Variants in TMEM132B observed in about 807,000 individuals in gnomAD.
The protein encoded by TMEM132B is transmembrane protein 132B.
TMEM132B carries 18 observed loss-of-function variants against 90.8 expected under a neutral mutation model. The ratio of observed to expected loss-of-function variants is 0.20; its 90% confidence interval spans 0.14 to 0.29. The LOEUF (loss-of-function observed/expected upper bound fraction) is 0.29, where lower values mean the gene tolerates loss of function less well. TMEM132B is among the 10% of genes least tolerant of loss of function. The pLI, the probability that TMEM132B is intolerant of heterozygous loss-of-function variation, is 1.00. For synonymous variants in TMEM132B, 504 were observed against 523.3 expected, an observed-to-expected ratio of 0.96 and a Z score of 0.50; for missense variants, 1,096 against 1,326.8, an observed-to-expected ratio of 0.83 and a Z score of 2.70.
intron 2 of TMEM132B, among the ~76,000 whole-genome samples, chr12:125,409,133 GCTGCCTTTA>G (rs1454460785): frequency 1.3e-5 from 2 of 152,168 alleles, no homozygotes; most frequent in Non-Finnish European, 2.9e-5. Flanking sequence ...GTAGAAGCCT[GCTGCCTTTA>G]CTGCAGTTTT....
At chr12:125,391,874 C>T (rs1379283556) in intron 2 of TMEM132B, among the ~76,000 whole-genome samples, 2 of 152,110 alleles carry the variant, frequency 1.3e-5, no homozygotes, top group Non-Finnish European at 2.9e-5. Context: ...TCGTCTGGTC[C>T]TGCTGCCTTA....
At chr12:125,247,845 G>A (rs1874239943) in intron 1 of TMEM132B, among the ~76,000 whole-genome samples, 2 of 152,210 alleles carry the variant, frequency 1.3e-5, no homozygotes, top group African/African-American at 4.8e-5. Context: ...ATGGCACGAA[G>A]TAGGGACTAC....
chr12:125,267,393 T>C (rs1874720965), intron 1 of TMEM132B, among the ~76,000 whole-genome samples: 1 of 152,066 alleles, frequency 6.6e-6, no homozygotes, highest in Non-Finnish European at 1.5e-5. Flanking sequence ...TGTCCCAAAG[T>C]CTGGAAATGA....
chr12:125,583,640 A>G (rs1382368282), intron 4 of TMEM132B, among the ~76,000 whole-genome samples: 1 of 152,166 alleles, frequency 6.6e-6, no homozygotes, highest in African/African-American at 2.4e-5. Context: ...AGACATTCCA[A>G]CCAACCATCA....
intron 1 of TMEM132B, among the ~76,000 whole-genome samples, chr12:125,257,184 T>C (rs1487916281): frequency 1.3e-5 from 2 of 152,080 alleles, no homozygotes; most frequent in African/African-American, 4.8e-5. Context: ...TGTTCGCCTA[T>C]AGTCCCAGCT....
chr12:125,592,141 G>A (rs1593010302), intron 5 of TMEM132B, among the ~76,000 whole-genome samples: 2 of 152,094 alleles, frequency 1.3e-5, no homozygotes, highest in East Asian at 1.9e-4. Flanking sequence ...GAAAGAAAAG[G>A]CAATGTTCAT....
intron 1 of TMEM132B, among the ~76,000 whole-genome samples, chr12:125,268,301 C>T (rs1874743350): frequency 1.3e-5 from 2 of 152,162 alleles, no homozygotes; most frequent in African/African-American, 4.8e-5. Flanking sequence ...TTGACTCATC[C>T]AGTTTACTTC....
intron 1 of TMEM132B, among the ~76,000 whole-genome samples, chr12:125,287,766 A>G (rs554117504): frequency 1.3e-3 from 192 of 152,318 alleles, no homozygotes; most frequent in Admixed American, 2.3e-3. Flanking sequence ...TTCCCTTCTA[A>G]AAAATACTAG....
At chr12:125,449,150 G>T (rs1289678992) in intron 3 of TMEM132B, among the ~76,000 whole-genome samples, 1 of 151,912 alleles carries the variant, frequency 6.6e-6, no homozygotes, top group Admixed American at 6.6e-5. Context: ...TGTATTTTTA[G>T]TTGAGATGGG....
intron 1 of TMEM132B, among the ~76,000 whole-genome samples, chr12:125,194,272 G>GC (rs1181211331): frequency 7.0e-6 from 1 of 143,168 alleles, no homozygotes. Flanking sequence ...ACCCGTTGGT[G>GC]GGGGGGTCTT....
intron 1 of TMEM132B, among the ~76,000 whole-genome samples, chr12:125,214,590 G>A (rs1593043817): frequency 6.6e-6 from 1 of 152,236 alleles, no homozygotes; most frequent in East Asian, 1.9e-4. Flanking sequence ...GTGGACAGGA[G>A]GCCTCCAAAG....
At chr12:125,366,888 A>C (rs1878151256) in intron 2 of TMEM132B, among the ~76,000 whole-genome samples, 1 of 152,182 alleles carries the variant, frequency 6.6e-6, no homozygotes, top group Non-Finnish European at 1.5e-5. Flanking sequence ...TTTACATTGA[A>C]TAATTCCATT....
chr12:125,423,325 G>A (rs1880221388), intron 3 of TMEM132B, among the ~76,000 whole-genome samples: 3 of 152,336 alleles, frequency 2.0e-5, no homozygotes, highest in South Asian at 4.1e-4. Context: ...GCCACTTCAG[G>A]AGTTCAAAGC....
intron 5 of TMEM132B, among the ~76,000 whole-genome samples, chr12:125,605,018 G>A (rs960732568): frequency 6.6e-6 from 1 of 152,154 alleles, no homozygotes; most frequent in African/African-American, 2.4e-5. Flanking sequence ...ATTAAAGAGT[G>A]GAAGTTTGGA....
chr12:125,220,340 A>G (rs1328723280), intron 1 of TMEM132B, among the ~76,000 whole-genome samples: 1 of 152,332 alleles, frequency 6.6e-6, no homozygotes, highest in Non-Finnish European at 1.5e-5. Flanking sequence ...TGTGAGAACC[A>G]GGGGCGACCC....
intron 5 of TMEM132B, among the ~76,000 whole-genome samples, chr12:125,636,202 G>A (rs149575784): frequency 5.3e-4 from 80 of 152,238 alleles, no homozygotes; most frequent in East Asian, 5.0e-3. Context: ...GGGGACGGTC[G>A]ATGGAGCCTT....
intron 3 of TMEM132B, among the ~76,000 whole-genome samples, chr12:125,447,036 T>C (rs1185303213): frequency 6.6e-5 from 10 of 152,260 alleles, no homozygotes; most frequent in African/African-American, 2.4e-4. Flanking sequence ...ATACCAGTTT[T>C]CTTTTGATTA....
chr12:125,497,311 A>G (rs1206701951), intron 3 of TMEM132B, among the ~76,000 whole-genome samples: 1 of 152,208 alleles, frequency 6.6e-6, no homozygotes. Flanking sequence ...ATGCCATTCA[A>G]TGTTATAGCA....
At chr12:125,405,022 A>G (rs1879426105) in intron 2 of TMEM132B, among the ~76,000 whole-genome samples, 1 of 152,184 alleles carries the variant, frequency 6.6e-6, no homozygotes, top group Non-Finnish European at 1.5e-5. Context: ...TTTATATTGT[A>G]TTAGCTCACT....
Sources: allele counts gnomAD v4.1 joint callset (sites outside exome capture counted in the v4.1 genomes callset), GRCh38; gene constraint gnomAD v4.1.1; transcripts MANE v1.5; gene names NCBI Gene and HGNC (gene_info 2026-07-23, HGNC 2026-07-21).